Variants in ISM1 observed in about 807,000 individuals in gnomAD.
ISM1 encodes the protein isthmin-1.
ISM1 carries 25 observed loss-of-function variants against 46.3 expected under a neutral mutation model. The ratio of observed to expected loss-of-function variants is 0.54; its 90% CI spans 0.39 to 0.75. The LOEUF (loss-of-function observed/expected upper bound fraction) is 0.75, where lower values mean the gene tolerates loss of function less well. Among genes scored for constraint, ISM1 ranks in the 30% least tolerant of loss-of-function variants. The pLI is 0.00. For synonymous variants in ISM1, 255 were observed against 256.7 expected (o/e 0.99, Z 0.06); for missense variants, 536 against 625.4 (o/e 0.86, Z 1.52).
At chr20:13,271,811 G>A (rs1181506786) in intron 2 of ISM1, among the ~76,000 whole-genome samples, 3 of 152,004 alleles carry the variant, frequency 2.0e-5, no homozygotes, top group Non-Finnish European at 4.4e-5. Context: ...GCCTCACTCA[G>A]TCACCCAGGT....
intron 3 of ISM1, among the ~76,000 whole-genome samples, chr20:13,280,374 C>T (rs2040225636): frequency 7.0e-6 from 1 of 141,990 alleles, no homozygotes; most frequent in Non-Finnish European, 1.5e-5. Flanking sequence ...ACGTGTGTGT[C>T]TCAGGTCTTC....
intron 1 of ISM1, among the ~76,000 whole-genome samples, chr20:13,230,396 G>A (rs528662047): frequency 1.8e-4 from 28 of 151,904 alleles, no homozygotes; most frequent in Middle Eastern, 3.4e-3. Context: ...TTCCTTTGTC[G>A]TCTCCAAATT....
intron 1 of ISM1, among the ~76,000 whole-genome samples, chr20:13,253,796 G>A (rs979955508): frequency 2.6e-5 from 4 of 151,802 alleles, no homozygotes; most frequent in African/African-American, 7.3e-5. Context: ...GAAACAATGG[G>A]CTAGTTCAGA....
intron 1 of ISM1, among the ~76,000 whole-genome samples, chr20:13,228,274 G>A (rs930026219): frequency 2.0e-5 from 3 of 151,968 alleles, no homozygotes; most frequent in Non-Finnish European, 2.9e-5. Context: ...TGCCTGGCCT[G>A]CTGCTGCTGC....
At chr20:13,252,257 G>A (rs2039875993) in intron 1 of ISM1, among the ~76,000 whole-genome samples, 1 of 152,210 alleles carries the variant, frequency 6.6e-6, no homozygotes, top group South Asian at 2.1e-4. Flanking sequence ...TTTCCTTGGA[G>A]TAGGGACCAT....
chr20:13,253,383 C>T lies in ISM1; in HGVS notation c.139-17121C>T, dbSNP rs1030881435. ...GGGTCTCCCCATGCTGGATGGGAGG[C>T]CTTGGAGCTCATTCGCTGTTGATCT... On this transcript the variant is annotated intron_variant, in intron 1 of 5. Coordinates refer to ENST00000262487, the MANE Select transcript of ISM1 (RefSeq NM_080826.2). Among the ~76,000 whole-genome samples, 3 of 152,194 alleles carry T rather than the reference C, an allele frequency of 2.0e-5. No individual in the cohort carries two copies. In the South Asian group the frequency reaches 6.2e-4, roughly 32 times the overall value.
At chr20:13,235,465 T>A (rs118031152) in intron 1 of ISM1, among the ~76,000 whole-genome samples, 1,532 of 152,210 alleles carry the variant, frequency 0.01, 10 homozygotes, top group Non-Finnish European at 0.016. Context: ...TAAAATGGGA[T>A]AAGAATAGTT....
intron 3 of ISM1, among the ~76,000 whole-genome samples, chr20:13,283,977 G>A (rs770241131): frequency 2.6e-5 from 4 of 152,320 alleles, no homozygotes; most frequent in Middle Eastern, 3.4e-3. Context: ...AACAGGATAC[G>A]GTGGGAGCAG....
At chr20:13,307,568 C>T in the ISM1 span, among the ~76,000 whole-genome samples, 1 of 152,142 alleles carries the variant, frequency 6.6e-6, no homozygotes, top group South Asian at 2.1e-4. Flanking sequence ...GCAAAACCAG[C>T]ACTCCCATGC....
At chr20:13,304,362 G>A (rs1452655264), downstream of ISM1, among the ~76,000 whole-genome samples, 1 of 152,190 alleles carries the variant, frequency 6.6e-6, no homozygotes, top group African/African-American at 2.4e-5. Flanking sequence ...CGGTCATGGG[G>A]AGAGGTCCTT....
At chr20:13,268,785 C>T (rs373164146) in intron 1 of ISM1, among the ~76,000 whole-genome samples, 10 of 152,212 alleles carry the variant, frequency 6.6e-5, no homozygotes, top group Middle Eastern at 3.4e-3. Flanking sequence ...CTTGGTGGAA[C>T]GTGCCTGTAA....
intron 1 of ISM1, among the ~76,000 whole-genome samples, chr20:13,264,524 T>C (rs2040022431): frequency 1.3e-5 from 2 of 152,222 alleles, no homozygotes; most frequent in African/African-American, 4.8e-5. Flanking sequence ...TAATTTGCCC[T>C]GTGGCTTGGT....
chr20:13,304,881 C>T (rs1450301573), downstream of ISM1, among the ~76,000 whole-genome samples: 1 of 152,182 alleles, frequency 6.6e-6, no homozygotes, highest in East Asian at 1.9e-4. Context: ...CTCTCTTCCC[C>T]ACTTCCCTAC....
chr20:13,227,428 C>G lies in ISM1; in HGVS notation c.138+5514C>G, dbSNP rs8116599. Among the ~76,000 whole-genome samples, 1,121 of 151,610 alleles carry G rather than the reference C, an allele frequency of 7.4e-3. 11 individuals carry two copies. The highest frequency in any genetic ancestry group is 0.022 in the African/African-American group (908 of 41,308). ...CCGTGTTAGCTAGGATGGTCTCAAT[C>G]TCCTGACCTCATGATCTGCCCGCCT... is the stretch of plus-strand genomic sequence containing the variant. On this transcript the variant is annotated intron_variant, in intron 1 of 5. Coordinates refer to ENST00000262487, the MANE Select transcript of ISM1 (RefSeq NM_080826.2).
At chr20:13,317,639 A>G in the ISM1 span, among the ~76,000 whole-genome samples, 1 of 152,082 alleles carries the variant, frequency 6.6e-6, no homozygotes, top group Non-Finnish European at 1.5e-5. Context: ...ATAGACCTAC[A>G]CCAATAGAGT....
chr20:13,304,013 C>T (rs1466437885), downstream of ISM1, among the ~76,000 whole-genome samples: 1 of 152,230 alleles, frequency 6.6e-6, no homozygotes, highest in Non-Finnish European at 1.5e-5. Flanking sequence ...ACCCAGACTC[C>T]TTCCATCTTG....
intron 3 of ISM1, among the ~76,000 whole-genome samples, chr20:13,280,630 TGTGTCCAGCTG>T (rs1443007993): frequency 6.6e-6 from 1 of 152,230 alleles, no homozygotes; most frequent in Non-Finnish European, 1.5e-5. Flanking sequence ...CTGGATATTC[TGTGTCCAGCTG>T]GTGTCCAGGG....
chr20:13,286,589 G>C (rs1374327379), intron 3 of ISM1, among the ~76,000 whole-genome samples: 1 of 152,120 alleles, frequency 6.6e-6, no homozygotes, highest in African/African-American at 2.4e-5. Flanking sequence ...GGCCTCGGGG[G>C]GCAGATAAGA....
chr20:13,258,255 T>C (rs1480569409), intron 1 of ISM1, among the ~76,000 whole-genome samples: 1 of 152,076 alleles, frequency 6.6e-6, no homozygotes, highest in Non-Finnish European at 1.5e-5. Context: ...GTTTGGCCAA[T>C]GTTAGGCATG....
Sources: allele counts gnomAD v4.1 joint callset (sites outside exome capture counted in the v4.1 genomes callset), GRCh38; gene constraint gnomAD v4.1.1; transcripts MANE v1.5; gene names NCBI Gene and HGNC (gene_info 2026-07-23, HGNC 2026-07-21).